Variants in EHMT1 observed in about 807,000 individuals in gnomAD.
EHMT1 encodes the protein histone-lysine N-methyltransferase EHMT1.
A neutral mutation model predicts 147.2 loss-of-function variants in EHMT1; 15 were observed. That is an observed-to-expected ratio of 0.10 (90% CI 0.07 to 0.16). The LOEUF is 0.16. Among genes scored for constraint, EHMT1 ranks in the 10% least tolerant of loss-of-function variants. The pLI, the probability that EHMT1 is intolerant of heterozygous loss-of-function variation, is 1.00. For synonymous variants in EHMT1, 795 were observed against 709.6 expected, an observed-to-expected ratio of 1.12 and a Z score of -1.91; for missense variants, 1,587 against 1,772.4, an observed-to-expected ratio of 0.90 and a Z score of 1.88.
chr9:137,645,466 A>T (rs1030036696), intron 1 of EHMT1, among the ~76,000 whole-genome samples: 3 of 152,236 alleles, frequency 2.0e-5, no homozygotes, highest in Non-Finnish European at 2.9e-5. Flanking sequence ...ATGAGAATGC[A>T]CATGGCGTCT....
At chr9:137,783,718 C>T (rs1039509812) in intron 15 of EHMT1, among the ~76,000 whole-genome samples, 3 of 152,168 alleles carry the variant, frequency 2.0e-5, no homozygotes, top group African/African-American at 7.2e-5. Context: ...CTGTCTCTGC[C>T]TTTCTTAGGG....
At chr9:137,624,117 A>G (rs976891080) in intron 1 of EHMT1, among the ~76,000 whole-genome samples, 2 of 149,778 alleles carry the variant, frequency 1.3e-5, no homozygotes, top group Non-Finnish European at 3.0e-5. Context: ...CTCCTGGCTC[A>G]GCCTCCTGAG....
At chr9:137,737,313 T>C (rs905711932) in intron 4 of EHMT1, among the ~76,000 whole-genome samples, 1 of 152,226 alleles carries the variant, frequency 6.6e-6, no homozygotes, top group African/African-American at 2.4e-5. Flanking sequence ...GACAGACATA[T>C]AGGCCAGTGG....
At chr9:137,771,618 C>T (rs371164080) in intron 10 of EHMT1, among the ~76,000 whole-genome samples, 77 of 152,268 alleles carry the variant, frequency 5.1e-4, no homozygotes, top group African/African-American at 1.8e-3. Context: ...TCACCACAGG[C>T]GAGCACCTTG....
chr9:137,716,566 G>C, intron 2 of EHMT1, 60 bp from the exon 3 acceptor site: 2 of 1,495,950 alleles, frequency 1.3e-6, no homozygotes, highest in Admixed American at 2.2e-5. Context: ...AAGTGGTGGT[G>C]GTGGTGGTGC....
rs1050428709 is a variant in EHMT1, at chr9:137,724,558, C to G, written c.643-3791C>G. Among the ~76,000 whole-genome samples, 9 of 152,214 alleles carry G rather than the reference C, an allele frequency of 5.9e-5. 1 individual carries two copies. The highest frequency in any genetic ancestry group is 1.9e-4 in the African/African-American group (8 of 41,462). On this transcript the variant is annotated intron_variant, in intron 3 of 26. Coordinates refer to ENST00000460843, the MANE Select transcript of EHMT1 (RefSeq NM_024757.5). ...TTAAATTAAAGAATAGGTGTGTGTA[C>G]CTCGGCAAGAATTAGCCTCACATGG...
At chr9:137,702,580 C>G (rs1943928917) in intron 1 of EHMT1, among the ~76,000 whole-genome samples, 1 of 152,154 alleles carries the variant, frequency 6.6e-6, no homozygotes, top group Non-Finnish European at 1.5e-5. Flanking sequence ...GGGTACAGCT[C>G]CTGCAGCTGC....
At chr9:137,651,483 G>A (rs1319737331) in intron 1 of EHMT1, among the ~76,000 whole-genome samples, 2 of 152,168 alleles carry the variant, frequency 1.3e-5, no homozygotes, top group Non-Finnish European at 2.9e-5. Flanking sequence ...TGATGGTCCA[G>A]TAAGATTATA....
chr9:137,656,534 A>G (rs1016827216), intron 1 of EHMT1, among the ~76,000 whole-genome samples: 3 of 152,150 alleles, frequency 2.0e-5, no homozygotes, highest in South Asian at 2.1e-4. Context: ...GTGCGGATCT[A>G]TCTAGAGGCA....
At chr9:137,748,595 C>T (rs889152010) in intron 6 of EHMT1, among the ~76,000 whole-genome samples, 15 of 152,206 alleles carry the variant, frequency 9.9e-5, no homozygotes, top group African/African-American at 2.4e-4. Context: ...CCCACCGCCT[C>T]GGAGCATCCC....
Position 137,716,798 on chromosome 9 carries a change from C to A in EHMT1, c.258C>A (p.Asn86Lys). ...GGGTCAACCCCCAGGATGGCACCAA[C>A]ACACTAACTCGGATAGCGGAAAATG... is the stretch of plus-strand genomic sequence containing the variant. The part of the protein sequence containing the change: ...SARVNPQDGT[N>K]TLTRIAENGV... The change falls in exon 3 of 27, where the codon AAC (asparagine) becomes AAA (lysine). Residue 86 changes from asparagine (N) to lysine (K), a missense_variant. Asn to Lys is a moderately conservative substitution (Grantham distance 94, BLOSUM62 0). Transcript: ENST00000460843. The A allele has an allele frequency of 6.2e-7, 1 of 1,613,326 alleles. No individual in the cohort carries two copies. The highest frequency in any genetic ancestry group is 8.5e-7 in the Non-Finnish European group (1 of 1,179,866).
At chr9:137,768,149 A>T (rs1950331966) in intron 10 of EHMT1, among the ~76,000 whole-genome samples, 1 of 152,102 alleles carries the variant, frequency 6.6e-6, no homozygotes, top group Admixed American at 6.6e-5. Context: ...AGACCAGCAA[A>T]ATCACCCAGT....
chr9:137,819,649 C>CCGAT (rs1337068926), intron 25 of EHMT1, among the ~76,000 whole-genome samples: 37 of 74,786 alleles, frequency 4.9e-4, no homozygotes, highest in East Asian at 9.0e-4. Context: ...TGTAGAGAGG[C>CCGAT]TGAGGGGGGG....
At chr9:137,774,693 T>G (rs1407589008) in intron 10 of EHMT1, among the ~76,000 whole-genome samples, 4 of 123,486 alleles carry the variant, frequency 3.2e-5, no homozygotes, top group Middle Eastern at 3.9e-3. Flanking sequence ...CTGGTGGGTG[T>G]GGGCACGCCT....
Position 137,778,060 on chromosome 9 carries a change from G to A in EHMT1, c.2192+5G>A. 6.2e-7 allele frequency: 1 copy of A among 1,613,834 alleles called. No homozygotes were observed. The highest frequency in any genetic ancestry group is 8.5e-7 in the Non-Finnish European group (1 of 1,180,034). On this transcript the variant is annotated splice_donor_5th_base_variant and intron_variant, in intron 13 of 26. Coordinates refer to ENST00000460843, the MANE Select transcript of EHMT1 (RefSeq NM_024757.5). ...CATCGCCCTCGACTCGGAAAAGTAA[G>A]ACCTGACATGTGATTTCAGAGATGT...
intron 4 of EHMT1, among the ~76,000 whole-genome samples, chr9:137,730,447 CAA>C (rs76723931): frequency 7.0e-6 from 1 of 142,826 alleles, no homozygotes; most frequent in African/African-American, 2.6e-5. Context: ...ATTTACTTTA[CAA>C]AAAAAAAAAC....
At chr9:137,658,792 A>G (rs1938760020) in intron 1 of EHMT1, among the ~76,000 whole-genome samples, 1 of 151,826 alleles carries the variant, frequency 6.6e-6, no homozygotes, top group African/African-American at 2.4e-5. Flanking sequence ...TTAAAAAATT[A>G]TGTGTGTGTG....
chr9:137,679,178 T>C (rs1941696027), intron 1 of EHMT1, among the ~76,000 whole-genome samples: 1 of 152,190 alleles, frequency 6.6e-6, no homozygotes, highest in South Asian at 2.1e-4. Flanking sequence ...CTCGAACTCC[T>C]GACTTCGTGA....
At chr9:137,798,990 C>T (rs1293611440) in intron 17 of EHMT1, 76 bp downstream of exon 17, 1 of 1,238,936 alleles carries the variant, frequency 8.1e-7, no homozygotes, top group East Asian at 2.3e-5. Flanking sequence ...AGCTCCTGGT[C>T]CCACCCCCAT....
Sources: allele counts gnomAD v4.1 joint callset (sites outside exome capture counted in the v4.1 genomes callset), GRCh38; gene constraint gnomAD v4.1.1; transcripts MANE v1.5; gene names NCBI Gene and HGNC (gene_info 2026-07-23, HGNC 2026-07-21).